The following TMEM259 variants were observed in gnomAD, a reference collection of about 807,000 sequenced individuals.
TMEM259 encodes the protein transmembrane protein 259, also known as membralin.
A neutral mutation model predicts 46.7 loss-of-function variants in TMEM259; 26 were observed. That is an observed-to-expected ratio of 0.56 (90% CI 0.41 to 0.77). The LOEUF (loss-of-function observed/expected upper bound fraction) is 0.77. Ranked by LOEUF, TMEM259 falls within the 30% of genes least tolerant of loss-of-function variation. The probability of loss-of-function intolerance (pLI) is 0.00; values close to 1 mark genes in which losing one functional copy is unlikely to be tolerated. For missense variants in TMEM259, 930 were observed against 900.5 expected (o/e 1.03, Z -0.42); for synonymous variants, 494 against 395.1 (o/e 1.25, Z -2.97).
chr19:1,020,247 G>A lies in TMEM259; in HGVS notation c.225+525C>T, dbSNP rs1248330000. On this transcript the variant is annotated intron_variant, in intron 1 of 10. Coordinates refer to ENST00000356663, the MANE Select transcript of TMEM259 (RefSeq NM_001033026.2). This position sits in a 1 kb window ranked among gnomAD's most constrained non-coding sequence, Gnocchi z 4.0. ...AGGCTACAAGGAGGGAGAGAGGGGA[G>A]TGGGGAGTCGACTTCCAGGACAGGG... Among the ~76,000 whole-genome samples the A allele has an allele frequency of 1.3e-5, 2 of 152,196 alleles. No individual in the cohort carries two copies. The highest frequency in any genetic ancestry group is 3.9e-4 in the East Asian group (2 of 5,176).
chr19:1,011,605 C>A lies in TMEM259; in HGVS notation c.1059G>T (p.Leu353=). 1 of 1,545,420 alleles carries A rather than the reference C, an allele frequency of 6.5e-7. No homozygotes were observed. The highest frequency in any genetic ancestry group is 1.2e-5 in the South Asian group (1 of 83,936). The change falls in exon 8 of 11, where the codon CTG becomes CTT. Residue 353 remains leucine (L), a synonymous_variant. Transcript: ENST00000356663. ...CGACGAGGGCCAGGATGACGGTCAGCAGGGGCGCTGCGGGGAAGGCGATGG... is the reference window on the plus strand; with the variant it reads ...CGACGAGGGCCAGGATGACGGTCAGAAGGGGCGCTGCGGGGAAGGCGATGG... ...NMAIAFPAAP[L]LTVILALVGM...
chr19:1,020,350 G>GGTC lies in TMEM259; in HGVS notation c.225+419_225+421dup, dbSNP rs2039249578. 6.6e-6 allele frequency among the ~76,000 whole-genome samples: 1 copy of GGTC among 152,072 alleles called. No individual in the cohort carries two copies. ...AGGGGAGAGAGGCCTCGGAACTGAG[G>GGTC]GTCTCAGGCGGCACAGTCAGGGGTC... On this transcript the variant is annotated intron_variant, in intron 1 of 10. Coordinates refer to ENST00000356663, the MANE Select transcript of TMEM259 (RefSeq NM_001033026.2). This position sits in a 1 kb window ranked among gnomAD's most constrained non-coding sequence, Gnocchi z 4.0.
In TMEM259 at chr19:1,011,202, G is replaced by A. The variant is rs762448894; in HGVS notation, c.1218-7C>T. On this transcript the variant is annotated splice_region_variant and splice_polypyrimidine_tract_variant and intron_variant, in intron 9 of 10. Coordinates refer to ENST00000356663, the MANE Select transcript of TMEM259 (RefSeq NM_001033026.2). ...GTGGTAGAGATAGAAGAACCTGCGGGGCGGGGTGAGGGCGTCGGGGCTGCA... is the reference window on the plus strand; with the variant it reads ...GTGGTAGAGATAGAAGAACCTGCGGAGCGGGGTGAGGGCGTCGGGGCTGCA... 10 of 1,584,638 alleles carry A rather than the reference G, an allele frequency of 6.3e-6. 1 individual carries two copies. In the South Asian group the frequency reaches 1.0e-4, roughly 16 times the overall value.
At chr19:1,011,522 T>G (rs927211079) in intron 8 of TMEM259, 23 bp from the exon 9 acceptor site, 28 of 1,539,628 alleles carry the variant, frequency 1.8e-5, no homozygotes, top group Admixed American at 4.0e-5. Context: ...GCGGCGCCGG[T>G]TGAAGCGGGC....
Position 1,020,833 on chromosome 19 carries a change from G to A in TMEM259, c.164C>T (p.Thr55Ile). 7.2e-7 allele frequency: 1 copy of A among 1,379,380 alleles called. No homozygotes were observed. The highest frequency in any genetic ancestry group is 9.4e-7 in the Non-Finnish European group (1 of 1,060,850). 85.4% of individuals were successfully genotyped at this position (1,379,380 alleles called of 1,614,324 possible). ...FHALFFKMAV[T>I]YSRLFPPAFR... ...GGCGGGCGGGAAGAGCCGCGAATAG[G>A]TGACAGCCATCTTGAAGAACAGCGC... Residue 55 changes from threonine (T) to isoleucine (I), a missense_variant, in exon 1 of 11, where the codon ACC (threonine) becomes ATC (isoleucine). Physicochemically the swap from Thr to Ile is moderately conservative, Grantham distance 89 (BLOSUM62 -1). Coordinates refer to ENST00000356663, the MANE Select transcript of TMEM259 (RefSeq NM_001033026.2). This position sits in a 1 kb window ranked among gnomAD's most constrained non-coding sequence, Gnocchi z 4.0.
At chr19:1,013,103 C>T (rs756611244) in intron 3 of TMEM259, 138 bp downstream of exon 3, 23 of 721,144 alleles carry the variant, frequency 3.2e-5, no homozygotes, top group African/African-American at 2.8e-4. Flanking sequence ...ATGGGGAAAT[C>T]GAGGCACGGG....
chr19:1,012,070 G>A lies in TMEM259; in HGVS notation c.837C>T (p.Asn279=), dbSNP rs755828495. Residue 279 remains asparagine, a synonymous_variant, in exon 5 of 11, where the codon AAC becomes AAT. Transcript: ENST00000356663. The part of the protein sequence containing the change: ...SVKGLAENEE[N]KGFLRNVVSG... ...CGGCCCCGGGGCATGCCTCACCCTT[G>A]TTCTCCTCGTTCTCGGCCAGGCCCT... 2 of 1,612,112 alleles carry A rather than the reference G, an allele frequency of 1.2e-6. No individual in the cohort carries two copies. The highest frequency in any genetic ancestry group is 1.7e-6 in the Non-Finnish European group (2 of 1,179,576).
chr19:1,011,836 G>T, intron 6 of TMEM259, 38 bp from the exon 7 acceptor site: 1 of 1,589,978 alleles, frequency 6.3e-7, no homozygotes, highest in Non-Finnish European at 8.6e-7. Context: ...GAGGGGCTGC[G>T]AGGGCCTGCT....
Position 1,011,614 on chromosome 19 carries a change from T to C in TMEM259, c.1050A>G (p.Ala350=), listed in dbSNP as rs1469177033. 4 of 1,545,996 alleles carry C rather than the reference T, an allele frequency of 2.6e-6. No homozygotes were observed. In the Admixed American group the frequency reaches 7.9e-5, roughly 30 times the overall value. The change falls in exon 8 of 11, where the codon GCA becomes GCG. Residue 350 remains alanine, a synonymous_variant. Transcript: ENST00000356663. ...CCAGGATGACGGTCAGCAGGGGCGC[T>C]GCGGGGAAGGCGATGGCCATGTTCA... ...LEMNMAIAFP[A]APLLTVILAL... is the part of the protein sequence containing the mutation.
At chr19:1,011,250 C>T (rs2038907265) in intron 9 of TMEM259, 55 bp from the exon 10 acceptor site, 2 of 1,547,692 alleles carry the variant, frequency 1.3e-6, no homozygotes, top group Non-Finnish European at 1.7e-6. Flanking sequence ...CCAGGCCCAG[C>T]CCCTGGGGTT....
At chr19:1,012,321 C>G in intron 4 of TMEM259, 133 bp from the exon 5 acceptor site, 2 of 1,499,056 alleles carry the variant, frequency 1.3e-6, no homozygotes, top group Non-Finnish European at 1.8e-6. Flanking sequence ...ATCCAGGACC[C>G]CAGCCCTGGG....
At chr19:1,018,657 C>T (rs2039186736) in intron 1 of TMEM259, among the ~76,000 whole-genome samples, 1 of 152,184 alleles carries the variant, frequency 6.6e-6, no homozygotes, top group Admixed American at 6.5e-5. Context: ...TTCTGTGCCA[C>T]CAGATTACCG....
intron 1 of TMEM259, chr19:1,017,398 C>T: frequency 2.5e-6 from 1 of 399,986 alleles, no homozygotes; most frequent in Non-Finnish European, 4.4e-6. Flanking sequence ...CCAGGCTCCC[C>T]AGCAGGCACC....
rs571419166 is a variant in TMEM259 at position 1,012,104 on chromosome 19, G to A, written c.803C>T (p.Ser268Phe). The A allele has an allele frequency of 6.2e-7, 1 of 1,611,556 alleles. No homozygotes were observed. Among genetic ancestry groups the A allele is most frequent in the African/African-American group, 1.3e-5 (1 of 75,002 alleles). The change falls in exon 5 of 11, where the codon TCC becomes TTC. Residue 268 changes from serine to phenylalanine, a missense_variant. Physicochemically the swap from Ser to Phe is radical, Grantham distance 155 (BLOSUM62 -2). Coordinates refer to ENST00000356663, the MANE Select transcript of TMEM259 (RefSeq NM_001033026.2). The stretch of plus-strand genomic sequence containing the variant: ...GTTCTCGGCCAGGCCCTTCACGCTG[G>A]ACATGAGGATGTCATCGTAGCCCAG... ...EFLGYDDILM[S>F]SVKGLAENEE...
In TMEM259 at chr19:1,011,155, A is replaced by G; in HGVS notation, c.1258T>C (p.Tyr420His). Residue 420 changes from tyrosine to histidine, a missense_variant, in exon 10 of 11, where the codon TAC (tyrosine) becomes CAC (histidine). By Grantham distance (83) the Tyr-to-His change is moderately conservative. Transcript: ENST00000356663. ...CTGCTATACTGCCCATTGAAGCGGTAGTGATAGGCATAGAAGGCGAAGTGG... is the reference window on the plus strand; with the variant it reads ...CTGCTATACTGCCCATTGAAGCGGTGGTGATAGGCATAGAAGGCGAAGTGG... ...LYHFAFYAYHYRFNGQYSSLA... is the reference protein window; with the variant it reads ...LYHFAFYAYHHRFNGQYSSLA... 6.2e-7 allele frequency: 1 copy of G among 1,605,470 alleles called. No individual in the cohort carries two copies. Among genetic ancestry groups the G allele is most frequent in the Non-Finnish European group, 8.5e-7 (1 of 1,175,764 alleles).
rs775383878 is a variant in TMEM259, at chr19:1,010,788, G to T, written c.1425C>A (p.Pro475=). 7 of 1,566,894 alleles carry T rather than the reference G, an allele frequency of 4.5e-6. No homozygotes were observed. The Admixed American group carries it at 1.3e-4, about 28-fold the overall frequency. ...TGTTCATGTCATCGGGCAGCGCCGT[G>T]GGGGTCCCGGGGCCCAGTGGCGGCG... ...LQAPPLGPGT[P]TALPDDMNNN... Residue 475 remains proline (P), a synonymous_variant, in exon 11 of 11, where the codon CCC becomes CCA. Transcript: ENST00000356663.
Position 1,012,104 on chromosome 19 carries a change from G to C in TMEM259, c.803C>G (p.Ser268Cys). 1 of 1,611,558 alleles carries C rather than the reference G, an allele frequency of 6.2e-7. No homozygotes were observed. The highest frequency in any genetic ancestry group is 8.5e-7 in the Non-Finnish European group (1 of 1,179,352). Reference sequence around the variant, plus strand: ...GTTCTCGGCCAGGCCCTTCACGCTGGACATGAGGATGTCATCGTAGCCCAG... The same window carrying C: ...GTTCTCGGCCAGGCCCTTCACGCTGCACATGAGGATGTCATCGTAGCCCAG... The part of the protein sequence containing the change: ...EFLGYDDILM[S>C]SVKGLAENEE... The change falls in exon 5 of 11, where the codon TCC becomes TGC. Residue 268 changes from serine to cysteine, a missense_variant. Transcript: ENST00000356663.
Position 1,010,611 on chromosome 19 carries a change from G to A in TMEM259, c.1602C>T (p.Ala534=), listed in dbSNP as rs769114027. 91 of 1,549,604 alleles carry A rather than the reference G, an allele frequency of 5.9e-5. No homozygotes were observed. Among genetic ancestry groups the A allele is most frequent in the Admixed American group, 5.8e-5 (3 of 51,998 alleles). Residue 534 remains alanine, a synonymous_variant, in exon 11 of 11, where the codon GCC becomes GCT. Coordinates refer to ENST00000356663, the MANE Select transcript of TMEM259 (RefSeq NM_001033026.2). The part of the protein sequence containing the change: ...VAAAASVAAA[A]GGDLGWMAET... ...CTGCCATCCAACCCAGGTCACCACC[G>A]GCAGCTGCTGCCACTGAGGCTGCCG...
In TMEM259 at chr19:1,010,438, GA is replaced by G. The variant is rs1599467467; in HGVS notation, c.1774del (p.Ser592LeufsTer10). The part of the protein sequence containing the change: ...DSVPPSDSAA[S>X]DTTPLGAAVG... Reference sequence around the variant, plus strand: ...CGCAGCCCCCAGGGGAGTTGTGTCAGAAGCTGCGGAGTCACTCGGGGGGACA... The same window carrying G: ...CGCAGCCCCCAGGGGAGTTGTGTCAGAGCTGCGGAGTCACTCGGGGGGACA... On this transcript the variant is annotated frameshift_variant, in exon 11 of 11. Coordinates refer to ENST00000356663, the MANE Select transcript of TMEM259 (RefSeq NM_001033026.2). LOFTEE classifies it low-confidence loss of function (END_TRUNC). 2.6e-6 allele frequency: 4 copies of G among 1,532,856 alleles called. No homozygotes were observed. The highest frequency in any genetic ancestry group is 3.5e-6 in the Non-Finnish European group (4 of 1,141,042). The allele number at this position is 1,532,856 out of a possible 1,614,324, so 95.0% of individuals were successfully genotyped here.
Sources: allele counts gnomAD v4.1 joint callset (sites outside exome capture counted in the v4.1 genomes callset), GRCh38; gene constraint gnomAD v4.1.1; non-coding constraint Gnocchi (gnomAD v3.1); transcripts MANE v1.5; gene names NCBI Gene and HGNC (gene_info 2026-07-23, HGNC 2026-07-21).